MSL2: variants seen among roughly 807,000 people sequenced by gnomAD.
MSL2 encodes the protein MSL complex subunit 2, also known as E3 ubiquitin-protein ligase MSL2.
MSL2 carries 2 observed loss-of-function variants against 35.8 expected under a neutral mutation model. That is an observed-to-expected ratio of 0.06 (90% CI 0.02 to 0.18). The LOEUF is 0.18. MSL2 is among the 10% of genes least tolerant of loss of function. The pLI, the probability that MSL2 is intolerant of heterozygous loss-of-function variation, is 1.00. For missense variants in MSL2, 523 were observed against 706.7 expected (o/e 0.74, Z 2.95); for synonymous variants, 296 against 255.7 (o/e 1.16, Z -1.50).
intron 1 of MSL2, among the ~76,000 whole-genome samples, chr3:136,165,142 C>T (rs2108070986): frequency 6.7e-6 from 1 of 149,276 alleles, no homozygotes; most frequent in East Asian, 2.0e-4. Context: ...TCCCAAAGTG[C>T]TGGGATTACA....
At chr3:136,165,856 A>G (rs1939831113) in intron 1 of MSL2, among the ~76,000 whole-genome samples, 1 of 142,178 alleles carries the variant, frequency 7.0e-6, no homozygotes, top group East Asian at 1.9e-4. Flanking sequence ...ATAATTGTAA[A>G]TTTAAAGTTA....
intron 1 of MSL2, among the ~76,000 whole-genome samples, chr3:136,191,282 C>T (rs1047480036): frequency 6.6e-6 from 1 of 151,986 alleles, no homozygotes; most frequent in Non-Finnish European, 1.5e-5. Context: ...GCCTGGCCAA[C>T]ATGGTGAAAC....
chr3:136,178,819 T>C (rs534515910), intron 1 of MSL2, among the ~76,000 whole-genome samples: 6 of 151,922 alleles, frequency 3.9e-5, no homozygotes, highest in Admixed American at 1.3e-4. Context: ...ATTACAGGCA[T>C]GAGTCGCTGC....
chr3:136,168,756 TAA>T (rs76792710), intron 1 of MSL2, among the ~76,000 whole-genome samples: 1 of 142,656 alleles, frequency 7.0e-6, no homozygotes, highest in African/African-American at 2.6e-5. Flanking sequence ...AGTATAATAA[TAA>T]AAAAAAAAAA....
chr3:136,181,106 T>G (rs1026338446), intron 1 of MSL2, among the ~76,000 whole-genome samples: 2 of 151,750 alleles, frequency 1.3e-5, no homozygotes, highest in Non-Finnish European at 2.9e-5. Flanking sequence ...TGAGGTGAGA[T>G]TGCGCCACTG....
At position 136,151,889 on chromosome 3, in the gene MSL2, G is replaced by C. The variant is rs139959327; in HGVS notation, c.992C>G (p.Ala331Gly). 7.1e-4 allele frequency: 1,139 copies of C among 1,614,174 alleles called. 2 individuals carry two copies. Among genetic ancestry groups the C allele is most frequent in the Middle Eastern group, 1.2e-3 (7 of 6,062 alleles). The change falls in exon 2 of 2, where the codon GCA (alanine) becomes GGA (glycine). Residue 331 changes from alanine (A) to glycine (G), a missense_variant. This residue lies in a region of MSL2 where 361 missense variants were observed against 414.6 expected (regional missense o/e 0.87). Coordinates refer to ENST00000309993, the MANE Select transcript of MSL2 (RefSeq NM_018133.4). This position sits in a 1 kb window ranked among gnomAD's most constrained non-coding sequence, Gnocchi z 5.2. The stretch of plus-strand genomic sequence containing the variant: ...ATTCAATTTTGCTATCTTCGGAGTT[G>C]CTGCTGTACATGATAACCCATGAAG... ...PALHGLSCTAATPKIAKLNRK... is the reference protein window; with the variant it reads ...PALHGLSCTAGTPKIAKLNRK...
At chr3:136,165,950 T>C (rs777104846) in intron 1 of MSL2, among the ~76,000 whole-genome samples, 4 of 149,112 alleles carry the variant, frequency 2.7e-5, no homozygotes, top group Non-Finnish European at 5.9e-5. Flanking sequence ...TTACATGATG[T>C]CATGATTATG....
Position 136,179,330 on chromosome 3 carries a change from G to A in MSL2, c.142+15642C>T, listed in dbSNP as rs565938761. On this transcript the variant is annotated intron_variant, in intron 1 of 1. Transcript: ENST00000309993. ...AGCTCCCGAGTAGCTGGGATTACAGGCAGGGACCACCATCCTTAATGTTTT... is the reference window on the plus strand; with the variant it reads ...AGCTCCCGAGTAGCTGGGATTACAGACAGGGACCACCATCCTTAATGTTTT... Among the ~76,000 whole-genome samples the A allele has an allele frequency of 8.5e-4, 130 of 152,180 alleles. 1 individual carries two copies. Among genetic ancestry groups the A allele is most frequent in the African/African-American group, 2.8e-3 (118 of 41,542 alleles).
At chr3:136,194,923 A>T (rs754038944) in intron 1 of MSL2, 49 bp downstream of exon 1, 1 of 1,611,734 alleles carries the variant, frequency 6.2e-7, no homozygotes, top group Non-Finnish European at 8.5e-7. Context: ...ACTGCCCAGA[A>T]GGCTTTTAAA....
chr3:136,185,576 G>A lies in MSL2; in HGVS notation c.142+9396C>T, dbSNP rs975834592. Among the ~76,000 whole-genome samples, 8 of 150,764 alleles carry A rather than the reference G, an allele frequency of 5.3e-5. No individual in the cohort carries two copies. In the East Asian group the frequency reaches 5.9e-4, roughly 11 times the overall value. On this transcript the variant is annotated intron_variant, in intron 1 of 1. Coordinates refer to ENST00000309993, the MANE Select transcript of MSL2 (RefSeq NM_018133.4). ...GGGGAAGGGACAGAGTCTCACTGTC[G>A]CCCAGGCTGGAGTGCAGTGGTGCAA...
chr3:136,188,788 C>T (rs1940596151), intron 1 of MSL2, among the ~76,000 whole-genome samples: 1 of 150,876 alleles, frequency 6.6e-6, no homozygotes. Flanking sequence ...TCAAGCCCCA[C>T]ACCTACCAGA....
intron 1 of MSL2, among the ~76,000 whole-genome samples, chr3:136,160,947 C>T (rs1421344112): frequency 6.7e-6 from 1 of 150,260 alleles, no homozygotes; most frequent in Non-Finnish European, 1.5e-5. Context: ...ATTAGCCAGG[C>T]ATGGTGGTGC....
chr3:136,191,878 T>C (rs1406044081), intron 1 of MSL2, among the ~76,000 whole-genome samples: 1 of 152,206 alleles, frequency 6.6e-6, no homozygotes, highest in Non-Finnish European at 1.5e-5. Flanking sequence ...GTTAAAGCAA[T>C]GTGCCTACAC....
In MSL2 at chr3:136,196,199, C is replaced by T. The variant is rs575080517; in HGVS notation, c.-1086G>A. On this transcript the variant is annotated 5_prime_UTR_variant, in exon 1 of 2. Coordinates refer to ENST00000309993, the MANE Select transcript of MSL2 (RefSeq NM_018133.4). ...TCGGTAGGGCCCGGGCTGCTGCGGC[C>T]TTAATGGATCCCGCGGGCTGTGTGG... 1 of 152,370 alleles carries T rather than the reference C, an allele frequency of 6.6e-6. No homozygotes were observed. Among genetic ancestry groups the T allele is most frequent in the African/African-American group, 2.4e-5 (1 of 41,382 alleles). The allele number at this position is 152,370 out of a possible 1,614,324, so 9.4% of individuals were successfully genotyped here.
chr3:136,178,835 G>A lies in MSL2; in HGVS notation c.142+16137C>T, dbSNP rs118167740. The stretch of plus-strand genomic sequence containing the variant: ...TTACAGGCATGAGTCGCTGCGCCCC[G>A]CCAGCACACACTTTTTTTAACCTCA... On this transcript the variant is annotated intron_variant, in intron 1 of 1. Coordinates refer to ENST00000309993, the MANE Select transcript of MSL2 (RefSeq NM_018133.4). 8.6e-5 allele frequency among the ~76,000 whole-genome samples: 13 copies of A among 151,932 alleles called. No individual in the cohort carries two copies. In the East Asian group the frequency reaches 1.4e-3, roughly 16 times the overall value.
chr3:136,152,786 C>A, intron 1 of MSL2, 48 bp from the exon 2 acceptor site: 1 of 1,577,658 alleles, frequency 6.3e-7, no homozygotes, highest in South Asian at 1.2e-5. Context: ...AATAAATTTA[C>A]CATTTCATAA....
chr3:136,196,016 C>CACG lies in MSL2; in HGVS notation c.-906_-904dup, dbSNP rs1258602873. The CACG allele has an allele frequency of 2.6e-4, 45 of 175,260 alleles. No homozygotes were observed. Among genetic ancestry groups the CACG allele is most frequent in the South Asian group, 7.0e-4 (4 of 5,722 alleles). The allele number at this position is 175,260 out of a possible 1,614,324, so 10.9% of individuals were successfully genotyped here. A position where few individuals can be genotyped will look rare whatever the true frequency, so the allele number is the denominator to read the frequency against. The stretch of plus-strand genomic sequence containing the variant: ...ACACACAGACGACTCCTCCGCCGAG[C>CACG]ACGACGGCCGCCGCCGCCCTCAGCA... On this transcript the variant is annotated 5_prime_UTR_variant, in exon 1 of 2. Coordinates refer to ENST00000309993, the MANE Select transcript of MSL2 (RefSeq NM_018133.4).
At chr3:136,160,349 G>GGGAAGGAGGGAAGGAA (rs1226748945) in intron 1 of MSL2, among the ~76,000 whole-genome samples, 1 of 85,584 alleles carries the variant, frequency 1.2e-5, no homozygotes, top group African/African-American at 4.4e-5. Flanking sequence ...GAGGGAGGGA[G>GGGAAGGAGGGAAGGAA]GGAGGGAGGG....
intron 1 of MSL2, among the ~76,000 whole-genome samples, chr3:136,174,909 T>C (rs1940129278): frequency 6.6e-6 from 1 of 152,228 alleles, no homozygotes; most frequent in Admixed American, 6.5e-5. Context: ...TAAATACATA[T>C]ATACTAAACT....
Sources: allele counts gnomAD v4.1 joint callset (sites outside exome capture counted in the v4.1 genomes callset), GRCh38; gene constraint gnomAD v4.1.1; regional missense constraint gnomAD v4.1.1; non-coding constraint Gnocchi (gnomAD v3.1); transcripts MANE v1.5; gene names NCBI Gene and HGNC (gene_info 2026-07-23, HGNC 2026-07-21).